Variants in NRXN3 observed in about 807,000 individuals in gnomAD.
NRXN3 encodes the protein neurexin III.
Under a neutral mutation model 137.6 loss-of-function variants are expected in NRXN3, and 32 were observed. That is an observed-to-expected ratio of 0.23 (90% confidence interval 0.18 to 0.31). NRXN3 has a LOEUF of 0.31. Ranked by LOEUF, NRXN3 falls within the 10% of genes least tolerant of loss-of-function variation. The pLI, the probability that NRXN3 is intolerant of heterozygous loss-of-function variation, is 1.00. For synonymous variants in NRXN3, 798 were observed against 784.5 expected (o/e 1.02, Z -0.29); for missense variants, 1,574 against 2,062.5 (o/e 0.76, Z 4.59).
intron 6 of NRXN3, among the ~76,000 whole-genome samples, chr14:78,689,980 A>G (rs1446823034): frequency 6.6e-6 from 1 of 151,956 alleles, no homozygotes; most frequent in Non-Finnish European, 1.5e-5. Context: ...GTGTCTTGAC[A>G]TCTAACTAGT....
chr14:78,898,220 TC>T, intron 10 of NRXN3, among the ~76,000 whole-genome samples: 1 of 151,932 alleles, frequency 6.6e-6, no homozygotes, highest in Admixed American at 6.6e-5. Flanking sequence ...AAGTTAAACT[TC>T]CGGAGAGCTC....
chr14:78,423,186 A>C (rs1029936908), intron 4 of NRXN3, among the ~76,000 whole-genome samples: 1 of 152,198 alleles, frequency 6.6e-6, no homozygotes, highest in African/African-American at 2.4e-5. Context: ...AAAATGCAGA[A>C]GGAGAATTCC....
intron 8 of NRXN3, among the ~76,000 whole-genome samples, chr14:78,729,361 A>C (rs1481449456): frequency 6.6e-6 from 1 of 152,164 alleles, no homozygotes; most frequent in Non-Finnish European, 1.5e-5. Context: ...AGGGAGAGAG[A>C]GCTGTAAGAA....
At chr14:79,604,591 C>A (rs221435) in intron 16 of NRXN3, among the ~76,000 whole-genome samples, 78,764 of 151,416 alleles carry the variant, frequency 0.52, 24,121 homozygotes, top group African/African-American at 0.86. Context: ...AATTCACACA[C>A]AACCTCCCCA....
chr14:79,123,900 C>T (rs2055927150), intron 15 of NRXN3, among the ~76,000 whole-genome samples: 1 of 152,188 alleles, frequency 6.6e-6, no homozygotes, highest in Non-Finnish European at 1.5e-5. Context: ...TCACCCTTAG[C>T]ACCCTCTGCT....
chr14:78,979,455 A>C (rs1357130872), intron 14 of NRXN3, among the ~76,000 whole-genome samples: 2 of 152,118 alleles, frequency 1.3e-5, no homozygotes, highest in African/African-American at 2.4e-5. Flanking sequence ...CATATACATA[A>C]ATCTATGTAT....
chr14:78,909,737 T>C (rs1396528189), intron 10 of NRXN3, among the ~76,000 whole-genome samples: 1 of 152,170 alleles, frequency 6.6e-6, no homozygotes, highest in Non-Finnish European at 1.5e-5. Context: ...AAATGGCTGG[T>C]ATCATCTCTG....
rs544011018 is a variant in NRXN3 at position 78,892,316 on chromosome 14, G to C, written c.2276-64926G>C. Among the ~76,000 whole-genome samples the C allele has an allele frequency of 3.3e-5, 5 of 152,090 alleles. No homozygotes were observed. The South Asian group carries it at 8.3e-4, about 25-fold the overall frequency. ...TATTTGAGCAGAGTCTTGGAGAACA[G>C]GTAGATTTTGGCTGATAGAAACAGA... On this transcript the variant is annotated intron_variant, in intron 10 of 20. Transcript: ENST00000335750.
At chr14:79,598,461 G>A (rs1047994120) in intron 16 of NRXN3, among the ~76,000 whole-genome samples, 22 of 152,102 alleles carry the variant, frequency 1.4e-4, no homozygotes, top group Non-Finnish European at 1.5e-4. Context: ...CCATTTTCTC[G>A]TATTTTATGC....
chr14:79,135,749 T>C (rs983990009), intron 15 of NRXN3, among the ~76,000 whole-genome samples: 2 of 152,234 alleles, frequency 1.3e-5, no homozygotes, highest in African/African-American at 4.8e-5. Flanking sequence ...AAATGATAGC[T>C]AATTATTGGG....
intron 16 of NRXN3, among the ~76,000 whole-genome samples, chr14:79,559,648 C>A (rs1267530957): frequency 1.3e-5 from 2 of 151,636 alleles, no homozygotes; most frequent in East Asian, 3.9e-4. Flanking sequence ...TGAGCCCATG[C>A]TGTTGAAAAA....
chr14:78,872,913 C>T (rs2099104960), intron 10 of NRXN3, among the ~76,000 whole-genome samples: 1 of 152,188 alleles, frequency 6.6e-6, no homozygotes, highest in South Asian at 2.1e-4. Flanking sequence ...ACTGCTGTCA[C>T]AGCCTGAGCC....
chr14:79,591,079 A>G (rs2097799457), intron 16 of NRXN3, among the ~76,000 whole-genome samples: 1 of 152,220 alleles, frequency 6.6e-6, no homozygotes, highest in Admixed American at 6.5e-5. Flanking sequence ...TAGTATTTTC[A>G]TTAACAACAT....
intron 4 of NRXN3, among the ~76,000 whole-genome samples, chr14:78,536,267 G>C (rs2096534590): frequency 6.6e-6 from 1 of 152,090 alleles, no homozygotes; most frequent in African/African-American, 2.4e-5. Context: ...GTTTTCTACT[G>C]GCTCCTAGAC....
At chr14:78,508,238 G>C (rs2096033628) in intron 4 of NRXN3, among the ~76,000 whole-genome samples, 1 of 152,184 alleles carries the variant, frequency 6.6e-6, no homozygotes, top group African/African-American at 2.4e-5. Flanking sequence ...CCAATCTTCT[G>C]TAACGAGGTA....
chr14:78,273,309 G>A (rs897880573), intron 2 of NRXN3, among the ~76,000 whole-genome samples: 2 of 152,302 alleles, frequency 1.3e-5, no homozygotes, highest in African/African-American at 4.8e-5. Context: ...TGTAAAATGA[G>A]TGTGGTAATA....
At chr14:78,684,746 A>AT (rs1420636522) in intron 6 of NRXN3, among the ~76,000 whole-genome samples, 2 of 152,182 alleles carry the variant, frequency 1.3e-5, no homozygotes, top group African/African-American at 4.8e-5. Flanking sequence ...GTGACCCATG[A>AT]TTGTATCACT....
intron 15 of NRXN3, among the ~76,000 whole-genome samples, chr14:79,334,454 A>G (rs1017589855): frequency 6.6e-6 from 1 of 152,180 alleles, no homozygotes; most frequent in African/African-American, 2.4e-5. Flanking sequence ...ACAGGAATGC[A>G]CTTGGCTTAT....
Position 78,778,152 on chromosome 14 carries a change from T to C in NRXN3, c.2045-25468T>C, listed in dbSNP as rs774981538. On this transcript the variant is annotated intron_variant, in intron 8 of 20. Coordinates refer to ENST00000335750, the MANE Select transcript of NRXN3 (RefSeq NM_001330195.2). ...TAAAACTAAGCTCAGTACTTTAAGA[T>C]GTCATGTTCTCTGACTTGATAACTG... 9.8e-5 allele frequency among the ~76,000 whole-genome samples: 15 copies of C among 152,318 alleles called. No individual in the cohort carries two copies. In the South Asian group the frequency reaches 1.0e-3, roughly 11 times the overall value.
Sources: gnomAD v4.1 joint callset for allele counts (sites outside exome capture counted in the v4.1 genomes callset) on GRCh38, gnomAD v4.1.1 for gene constraint, MANE v1.5 for transcripts, NCBI Gene and HGNC (gene_info 2026-07-23, HGNC 2026-07-21) for gene names.